Variants in KLHL32 observed in about 807,000 individuals in gnomAD.
The protein encoded by KLHL32 is kelch like family member 32.
In KLHL32, 35 loss-of-function variants were observed where a neutral mutation model predicts 64.8. The ratio of observed to expected loss-of-function variants is 0.54; its 90% confidence interval spans 0.41 to 0.72. The LOEUF (loss-of-function observed/expected upper bound fraction) is 0.72. Ranked by LOEUF, KLHL32 falls within the 30% of genes least tolerant of loss-of-function variation. The pLI is 0.00. For missense variants in KLHL32, 589 were observed against 768.5 expected, an observed-to-expected ratio of 0.77 and a Z score of 2.76; for synonymous variants, 259 against 281.0, an observed-to-expected ratio of 0.92 and a Z score of 0.78.
intron 6 of KLHL32, among the ~76,000 whole-genome samples, chr6:97,096,138 C>T (rs532699317): frequency 1.1e-4 from 16 of 152,208 alleles, no homozygotes; most frequent in South Asian, 6.2e-4. Context: ...TCACACCCAA[C>T]GTAGCTAATA....
At chr6:96,967,674 A>G (rs1774617053) in intron 2 of KLHL32, among the ~76,000 whole-genome samples, 1 of 152,224 alleles carries the variant, frequency 6.6e-6, no homozygotes, top group South Asian at 2.1e-4. Context: ...AATAAAACAG[A>G]TAAGGTTCCT....
At chr6:97,057,472 GCGCC>G (rs2128143672) in intron 4 of KLHL32, among the ~76,000 whole-genome samples, 1 of 89,088 alleles carries the variant, frequency 1.1e-5, no homozygotes, top group Non-Finnish European at 2.0e-5. Context: ...GTGAGCCACC[GCGCC>G]CGGCCGAGTA....
intron 1 of KLHL32, among the ~76,000 whole-genome samples, chr6:96,927,239 A>G (rs770790410): frequency 2.6e-5 from 4 of 152,194 alleles, no homozygotes; most frequent in Non-Finnish European, 4.4e-5. Flanking sequence ...CAAGAAGTGG[A>G]GAAAAACTCA....
chr6:96,949,595 C>T (rs948315182), intron 1 of KLHL32, among the ~76,000 whole-genome samples: 2 of 152,008 alleles, frequency 1.3e-5, no homozygotes, highest in African/African-American at 2.4e-5. Context: ...GTGGTGAGTC[C>T]ATTTGACTGA....
chr6:97,032,581 G>A (rs1783712470), intron 3 of KLHL32, among the ~76,000 whole-genome samples: 1 of 152,066 alleles, frequency 6.6e-6, no homozygotes, highest in African/African-American at 2.4e-5. Context: ...CATTAACCCA[G>A]ATCATTCTTC....
intron 1 of KLHL32, among the ~76,000 whole-genome samples, chr6:96,960,359 A>G (rs73494816): frequency 0.023 from 3,435 of 152,224 alleles, 85 homozygotes; most frequent in African/African-American, 0.064. Flanking sequence ...TTTCCCATCT[A>G]GAAGCCCAAA....
At chr6:97,022,555 C>T (rs1237818262) in intron 3 of KLHL32, among the ~76,000 whole-genome samples, 1 of 149,388 alleles carries the variant, frequency 6.7e-6, no homozygotes, top group Non-Finnish European at 1.5e-5. Flanking sequence ...CTGCAATCTC[C>T]GTCTCCCAGG....
At chr6:97,091,681 C>T (rs1436823356) in intron 6 of KLHL32, among the ~76,000 whole-genome samples, 2 of 152,190 alleles carry the variant, frequency 1.3e-5, no homozygotes, top group African/African-American at 4.8e-5. Flanking sequence ...CTGGATGTTT[C>T]AATACCAACC....
the KLHL32 span, among the ~76,000 whole-genome samples, chr6:96,905,020 T>C: frequency 0.9 from 137,308 of 152,206 alleles, 62,061 homozygotes; most frequent in East Asian, 1. Context: ...CTCCATGTCC[T>C]CATGAACTTG....
chr6:96,942,301 C>T (rs1459549425), intron 1 of KLHL32, among the ~76,000 whole-genome samples: 2 of 152,194 alleles, frequency 1.3e-5, no homozygotes, highest in African/African-American at 4.8e-5. Flanking sequence ...CTGCTGCCAC[C>T]TCGCACCTGC....
chr6:96,990,238 A>T (rs1170065652), intron 3 of KLHL32, among the ~76,000 whole-genome samples: 1 of 152,116 alleles, frequency 6.6e-6, no homozygotes, highest in Non-Finnish European at 1.5e-5. Flanking sequence ...TCACAGTTAC[A>T]ATTTGAGTAC....
chr6:96,917,512 A>G, the KLHL32 span, among the ~76,000 whole-genome samples: 1 of 152,222 alleles, frequency 6.6e-6, no homozygotes, highest in Non-Finnish European at 1.5e-5. Flanking sequence ...GATGCTGGCA[A>G]CAGAAAACAA....
chr6:97,077,429 T>G (rs922526518), intron 5 of KLHL32, among the ~76,000 whole-genome samples: 1 of 152,210 alleles, frequency 6.6e-6, no homozygotes, highest in Non-Finnish European at 1.5e-5. Context: ...ACATTTATCT[T>G]TTTCTGATCA....
chr6:97,118,675 C>G (rs1299625761), intron 7 of KLHL32, among the ~76,000 whole-genome samples: 1 of 148,040 alleles, frequency 6.8e-6, no homozygotes, highest in East Asian at 2.0e-4. Context: ...GCAGGCATAG[C>G]AGAGGCTGAG....
intron 1 of KLHL32, among the ~76,000 whole-genome samples, chr6:96,965,858 T>C (rs1006210554): frequency 6.6e-6 from 1 of 152,122 alleles, no homozygotes; most frequent in Non-Finnish European, 1.5e-5. Flanking sequence ...ACATACTATT[T>C]TTAATAATTA....
intron 7 of KLHL32, among the ~76,000 whole-genome samples, chr6:97,117,656 T>C (rs1239695310): frequency 1.3e-5 from 2 of 152,228 alleles, no homozygotes; most frequent in Admixed American, 6.5e-5. Context: ...AATTCACAAG[T>C]GTTCCATACC....
At chr6:97,114,546 C>T (rs770735719) in intron 7 of KLHL32, 37 bp downstream of exon 7, 1 of 1,607,328 alleles carries the variant, frequency 6.2e-7, no homozygotes, top group African/African-American at 1.3e-5. Flanking sequence ...TCAAAACACA[C>T]TTTCATTGTG....
chr6:97,090,844 T>C (rs1794116762), intron 6 of KLHL32, among the ~76,000 whole-genome samples: 1 of 152,260 alleles, frequency 6.6e-6, no homozygotes, highest in Admixed American at 6.5e-5. Flanking sequence ...CTATAGCTTC[T>C]AAATTTGTAA....
intron 1 of KLHL32, among the ~76,000 whole-genome samples, chr6:96,925,675 A>T (rs951068165): frequency 6.6e-6 from 1 of 152,222 alleles, no homozygotes; most frequent in South Asian, 2.1e-4. Context: ...CACAAGAATG[A>T]GCTTCTATTG....
Sources: allele counts gnomAD v4.1 joint callset (sites outside exome capture counted in the v4.1 genomes callset), GRCh38; gene constraint gnomAD v4.1.1; transcripts MANE v1.5; gene names NCBI Gene and HGNC (gene_info 2026-07-23, HGNC 2026-07-21).